The following TMEM238L variants were observed in gnomAD, a reference collection of about 807,000 sequenced individuals.
TMEM238L encodes the protein transmembrane protein 238 like.
At chr17:10,801,031 C>G (rs1904725526) in intron 1 of TMEM238L, among the ~76,000 whole-genome samples, 1 of 151,646 alleles carries the variant, frequency 6.6e-6, no homozygotes, top group South Asian at 2.1e-4. Context: ...GCTTATATCT[C>G]TTCAATGGAT....
intron 1 of TMEM238L, among the ~76,000 whole-genome samples, chr17:10,803,089 G>T (rs1904795410): frequency 6.6e-6 from 1 of 152,088 alleles, no homozygotes; most frequent in Non-Finnish European, 1.5e-5. Flanking sequence ...TCCCATCTGG[G>T]CAGGTGCAGG....
At chr17:10,800,618 G>A (rs1904708301) in intron 1 of TMEM238L, among the ~76,000 whole-genome samples, 1 of 152,174 alleles carries the variant, frequency 6.6e-6, no homozygotes, top group Non-Finnish European at 1.5e-5. Flanking sequence ...GTCATCACTT[G>A]CATAGTGCTG....
chr17:10,801,420 C>T (rs1258551267), intron 1 of TMEM238L, among the ~76,000 whole-genome samples: 1 of 152,208 alleles, frequency 6.6e-6, no homozygotes, highest in East Asian at 1.9e-4. Flanking sequence ...TGGCCTCTGT[C>T]TACCACAGAG....
intron 1 of TMEM238L, among the ~76,000 whole-genome samples, chr17:10,800,810 C>G (rs1285263737): frequency 6.6e-6 from 1 of 152,150 alleles, no homozygotes; most frequent in Non-Finnish European, 1.5e-5. Flanking sequence ...ATGGCCCATG[C>G]TCTTCAACGC....
chr17:10,803,771 A>C (rs1459169062), exon 1 of TMEM238L: 2 of 399,570 alleles, frequency 5.0e-6, no homozygotes, highest in Non-Finnish European at 8.8e-6. Context: ...AGGGAATACC[A>C]GATGATCCAG....
chr17:10,796,529 C>T (rs927497403), intron 1 of TMEM238L, among the ~76,000 whole-genome samples: 2 of 152,228 alleles, frequency 1.3e-5, no homozygotes, highest in African/African-American at 2.4e-5. Flanking sequence ...TGAATCTGCA[C>T]TCACTCCTCA....
intron 1 of TMEM238L, among the ~76,000 whole-genome samples, chr17:10,799,847 C>G (rs905848391): frequency 6.6e-6 from 1 of 152,114 alleles, no homozygotes; most frequent in African/African-American, 2.4e-5. Flanking sequence ...GGACTCCTGT[C>G]CCCTCACTCT....
chr17:10,798,726 C>T (rs984016959), intron 1 of TMEM238L, among the ~76,000 whole-genome samples: 23 of 150,180 alleles, frequency 1.5e-4, no homozygotes, highest in African/African-American at 4.7e-4. Context: ...GTGTGGGGGG[C>T]GTGTTTGTGT....
At chr17:10,798,370 C>T (rs1208744448) in intron 1 of TMEM238L, among the ~76,000 whole-genome samples, 1 of 152,172 alleles carries the variant, frequency 6.6e-6, no homozygotes, top group Non-Finnish European at 1.5e-5. Flanking sequence ...GAAATGTTTG[C>T]TCCTCCACAC....
chr17:10,798,947 C>T (rs1365192281), intron 1 of TMEM238L, among the ~76,000 whole-genome samples: 1 of 152,048 alleles, frequency 6.6e-6, no homozygotes, highest in African/African-American at 2.4e-5. Context: ...ATACAGTGAC[C>T]AGGTGATAAA....
chr17:10,799,757 C>T (rs908137057), intron 1 of TMEM238L, among the ~76,000 whole-genome samples: 14 of 152,144 alleles, frequency 9.2e-5, no homozygotes, highest in South Asian at 4.1e-4. Flanking sequence ...TAAAGTCTTA[C>T]GTGCCAGTTT....
chr17:10,800,966 T>A lies in TMEM238L; in HGVS notation c.*118+2640A>T, dbSNP rs143058159. On this transcript the variant is annotated intron_variant, in intron 1 of 1. Coordinates refer to ENST00000581851, the Ensembl canonical transcript of TMEM238L. ...ATCATAACCATAATAACCTATACTG[T>A]GGCCGGGGTGGTCTCTTGGAAACAC... 5.8e-4 allele frequency among the ~76,000 whole-genome samples: 88 copies of A among 152,204 alleles called. 1 individual carries two copies. The highest frequency in any genetic ancestry group is 2.0e-3 in the African/African-American group (85 of 41,554).
chr17:10,801,540 T>C (rs1027528704), intron 1 of TMEM238L, among the ~76,000 whole-genome samples: 5 of 152,164 alleles, frequency 3.3e-5, no homozygotes, highest in African/African-American at 9.6e-5. Flanking sequence ...TGAAAGACTT[T>C]CCATTCACCT....
At chr17:10,800,896 T>C (rs1020037074) in intron 1 of TMEM238L, among the ~76,000 whole-genome samples, 2 of 152,126 alleles carry the variant, frequency 1.3e-5, no homozygotes, top group Non-Finnish European at 2.9e-5. Flanking sequence ...TCTGTGTTGT[T>C]TGGGTACTTG....
intron 1 of TMEM238L, among the ~76,000 whole-genome samples, chr17:10,799,468 G>T (rs531638944): frequency 3.9e-5 from 6 of 152,334 alleles, no homozygotes; most frequent in African/African-American, 1.4e-4. Flanking sequence ...AAAGTGCTGG[G>T]ATGACAGGCA....
At chr17:10,803,167 A>G (rs1904797349) in intron 1 of TMEM238L, among the ~76,000 whole-genome samples, 1 of 152,024 alleles carries the variant, frequency 6.6e-6, no homozygotes, top group Admixed American at 6.6e-5. Flanking sequence ...GGCCCAGTTC[A>G]CACCCCTTCA....
intron 1 of TMEM238L, among the ~76,000 whole-genome samples, chr17:10,801,058 T>G (rs1197924309): frequency 6.6e-6 from 1 of 151,886 alleles, no homozygotes; most frequent in African/African-American, 2.4e-5. Flanking sequence ...TTACTGTTTT[T>G]TTTTTTTTTT....
exon 2 of TMEM238L, chr17:10,795,268 G>C (rs34268729): frequency 6.6e-6 from 1 of 152,248 alleles, no homozygotes; most frequent in Non-Finnish European, 1.5e-5. Flanking sequence ...AAAAATGCAC[G>C]GGAGATTTCA....
chr17:10,800,939 T>G (rs1234233263), intron 1 of TMEM238L, among the ~76,000 whole-genome samples: 1 of 152,190 alleles, frequency 6.6e-6, no homozygotes, highest in Non-Finnish European at 1.5e-5. Context: ...CAGCCGGTAA[T>G]AATCATAACC....
Sources: gnomAD v4.1 joint callset for allele counts (sites outside exome capture counted in the v4.1 genomes callset) on GRCh38, gnomAD v4.1.1 for gene constraint, MANE v1.5 for transcripts, NCBI Gene and HGNC (gene_info 2026-07-23, HGNC 2026-07-21) for gene names.